The following PALD1 variants were observed in gnomAD, a reference collection of about 807,000 sequenced individuals.
PALD1 encodes the protein paladin.
Under a neutral mutation model 96.0 loss-of-function variants are expected in PALD1, and 57 were observed. The ratio of observed to expected loss-of-function variants is 0.59; its 90% confidence interval spans 0.48 to 0.74. The LOEUF is 0.74. Among genes scored for constraint, PALD1 ranks in the 30% least tolerant of loss-of-function variants. PALD1 has a pLI of 0.00. For missense variants in PALD1, 1,063 were observed against 1,143.7 expected (o/e 0.93, Z 1.02); for synonymous variants, 464 against 473.6 (o/e 0.98, Z 0.26).
intron 17 of PALD1, 128 bp from the exon 18 acceptor site, chr10:70,547,178 G>T (rs900002716): frequency 8.9e-6 from 7 of 785,078 alleles, no homozygotes; most frequent in Admixed American, 7.6e-5. Flanking sequence ...TGAGGAGCAG[G>T]CAGGGCTCTC....
At chr10:70,464,959 ATG>A in the PALD1 span, among the ~76,000 whole-genome samples, 5 of 141,564 alleles carry the variant, frequency 3.5e-5, no homozygotes, top group Admixed American at 3.5e-4. Context: ...GTATGTATGT[ATG>A]TATGTATGTA....
intron 11 of PALD1, 136 bp from the exon 12 acceptor site, chr10:70,538,144 C>A: frequency 2.1e-6 from 2 of 954,328 alleles, no homozygotes; most frequent in Admixed American, 2.3e-5. Flanking sequence ...TCCAGGTCTT[C>A]TCTCAGCCAC....
chr10:70,495,422 G>A (rs553070862), intron 1 of PALD1, among the ~76,000 whole-genome samples: 2 of 152,050 alleles, frequency 1.3e-5, no homozygotes, highest in Admixed American at 1.3e-4. Context: ...TCAGTACTTC[G>A]CAGCTGTTTG....
chr10:70,494,332 C>G (rs919637892), intron 1 of PALD1, among the ~76,000 whole-genome samples: 1 of 152,188 alleles, frequency 6.6e-6, no homozygotes, highest in African/African-American at 2.4e-5. Context: ...GATTTTTGCT[C>G]TGTATTTCTG....
chr10:70,513,097 A>G (rs1438616401), intron 1 of PALD1, among the ~76,000 whole-genome samples: 1 of 152,234 alleles, frequency 6.6e-6, no homozygotes, highest in East Asian at 1.9e-4. Context: ...GGAGGAATCC[A>G]TGGAGCACTT....
chr10:70,500,627 A>G (rs1478434982), intron 1 of PALD1, among the ~76,000 whole-genome samples: 1 of 152,060 alleles, frequency 6.6e-6, no homozygotes, highest in Non-Finnish European at 1.5e-5. Context: ...GTTCCCGACC[A>G]TTAGTTAACG....
chr10:70,517,148 C>T (rs923621324), intron 1 of PALD1, among the ~76,000 whole-genome samples: 2 of 152,128 alleles, frequency 1.3e-5, no homozygotes, highest in Non-Finnish European at 2.9e-5. Flanking sequence ...CTGTTGTTCC[C>T]ATTTCACAGA....
At chr10:70,544,340 G>A (rs957361836) in intron 17 of PALD1, among the ~76,000 whole-genome samples, 2 of 152,196 alleles carry the variant, frequency 1.3e-5, no homozygotes, top group African/African-American at 4.8e-5. Flanking sequence ...GCAGGACTGA[G>A]GGGTGGGGGC....
rs61737673 is a variant in PALD1, at chr10:70,531,416, G to A, written c.595G>A (p.Val199Ile). Residue 199 changes from valine to isoleucine, a missense_variant, in exon 5 of 20, where the codon GTC becomes ATC. Val to Ile is a conservative substitution (Grantham distance 29). Transcript: ENST00000263563. ...GAACCTCCAGGGCCTTGGACCCGGG[G>A]TCCGGGTGGAGAGCCTGGAGCTGGC... ...HENLQGLGPG[V>I]RVESLELAIR... 51,214 of 1,614,022 alleles carry A rather than the reference G, an allele frequency of 0.032. 934 individuals are homozygous for A. The highest frequency in any genetic ancestry group is 0.037 in the Non-Finnish European group (43,285 of 1,179,930).
At chr10:70,473,400 G>A in the PALD1 span, among the ~76,000 whole-genome samples, 2 of 152,212 alleles carry the variant, frequency 1.3e-5, no homozygotes, top group Non-Finnish European at 2.9e-5. Context: ...ATGGAGCTTG[G>A]ATGCTTGAGC....
chr10:70,482,253 C>T (rs1845944918), intron 1 of PALD1, among the ~76,000 whole-genome samples: 1 of 152,160 alleles, frequency 6.6e-6, no homozygotes, highest in South Asian at 2.1e-4. Context: ...TACACGGGGT[C>T]AGGAAATGGC....
chr10:70,530,549 G>C (rs529491968), intron 4 of PALD1, among the ~76,000 whole-genome samples: 1 of 152,274 alleles, frequency 6.6e-6, no homozygotes, highest in Non-Finnish European at 1.5e-5. Context: ...CCAAACCCAG[G>C]CAGCTGAATT....
At chr10:70,460,420 C>T in the PALD1 span, among the ~76,000 whole-genome samples, 48 of 152,208 alleles carry the variant, frequency 3.2e-4, no homozygotes, top group Admixed American at 3.1e-3. Flanking sequence ...TCATCTCCGG[C>T]TCCATTCATC....
chr10:70,516,012 G>A (rs1846613020), intron 1 of PALD1, among the ~76,000 whole-genome samples: 1 of 152,226 alleles, frequency 6.6e-6, no homozygotes, highest in Admixed American at 6.5e-5. Flanking sequence ...ACCTGCCACA[G>A]GCACTGGGCT....
chr10:70,557,354 T>TG (rs1847632126), intron 18 of PALD1, among the ~76,000 whole-genome samples: 1 of 152,072 alleles, frequency 6.6e-6, no homozygotes, highest in Middle Eastern at 3.2e-3. Context: ...GCGGACACAG[T>TG]GGGCCTCTTG....
chr10:70,509,165 C>T lies in PALD1; in HGVS notation c.-29-16758C>T, dbSNP rs927103416. On this transcript the variant is annotated intron_variant, in intron 1 of 19. Transcript: ENST00000263563. ...CGGAAGGGGTACTCTCCCCCTGGGT[C>T]CCACGTGTTCTTTGCCCCCTGCCGG... Among the ~76,000 whole-genome samples the T allele has an allele frequency of 2.0e-5, 3 of 152,156 alleles. No homozygotes were observed. In the East Asian group the frequency reaches 5.8e-4, roughly 29 times the overall value.
the PALD1 span, among the ~76,000 whole-genome samples, chr10:70,470,468 C>T: frequency 6.6e-6 from 1 of 151,144 alleles, no homozygotes; most frequent in African/African-American, 2.4e-5. Context: ...TTTTCAGCCT[C>T]TTCTACAGCC....
chr10:70,556,202 G>A (rs111831918), intron 18 of PALD1, among the ~76,000 whole-genome samples: 88 of 151,814 alleles, frequency 5.8e-4, no homozygotes, highest in African/African-American at 1.6e-3. Flanking sequence ...CTTCCAGAAC[G>A]GAGTGTGTGT....
chr10:70,491,788 C>G (rs990444501), intron 1 of PALD1, among the ~76,000 whole-genome samples: 3 of 152,202 alleles, frequency 2.0e-5, no homozygotes, highest in African/African-American at 7.2e-5. Context: ...CATGGATCTG[C>G]ATTCTGTCTC....
Sources: gnomAD v4.1 joint callset for allele counts (sites outside exome capture counted in the v4.1 genomes callset) on GRCh38, gnomAD v4.1.1 for gene constraint, MANE v1.5 for transcripts, NCBI Gene and HGNC (gene_info 2026-07-23, HGNC 2026-07-21) for gene names.